GPC6: variants seen among roughly 807,000 people sequenced by gnomAD.
GPC6 encodes glypican-6.
In GPC6, 14 loss-of-function variants were observed where a neutral mutation model predicts 55.2. That is an observed-to-expected ratio of 0.25 (90% confidence interval 0.17 to 0.40). GPC6 has a LOEUF of 0.40. Ranked by LOEUF, GPC6 falls within the 10% of genes least tolerant of loss-of-function variation. The pLI is 1.00. For missense variants in GPC6, 641 were observed against 708.5 expected (o/e 0.90, Z 1.08); for synonymous variants, 278 against 259.6 (o/e 1.07, Z -0.68).
At position 93,227,628 on chromosome 13, in the gene GPC6, C is replaced by A. The variant is rs1292538200; in HGVS notation, c.160+12C>A. ...CCAGGAGATCGCAGGTAAGCGCGGG[C>A]GCGCTGCAGGGGCAGGCTGCAGCCC... On this transcript the variant is annotated intron_variant, in intron 1 of 8. Coordinates refer to ENST00000377047, the MANE Select transcript of GPC6 (RefSeq NM_005708.5). This position sits in a 1 kb window ranked among gnomAD's most constrained non-coding sequence, Gnocchi z 4.3. 3 of 1,591,666 alleles carry A rather than the reference C, an allele frequency of 1.9e-6. No individual in the cohort carries two copies. The highest frequency in any genetic ancestry group is 2.6e-6 in the Non-Finnish European group (3 of 1,172,706).
intron 4 of GPC6, among the ~76,000 whole-genome samples, chr13:94,255,488 G>A (rs1376409513): frequency 6.6e-6 from 1 of 152,210 alleles, no homozygotes; most frequent in Non-Finnish European, 1.5e-5. Flanking sequence ...GGAAGGACTT[G>A]AGGGATGGTT....
intron 4 of GPC6, among the ~76,000 whole-genome samples, chr13:94,112,505 C>G (rs1024492736): frequency 1.3e-5 from 2 of 152,150 alleles, no homozygotes; most frequent in Admixed American, 1.3e-4. Context: ...CTCCTTAAAA[C>G]TTATGTTACA....
chr13:93,271,972 C>T (rs946919968), intron 1 of GPC6, among the ~76,000 whole-genome samples: 24 of 152,090 alleles, frequency 1.6e-4, no homozygotes, highest in African/African-American at 5.8e-4. Context: ...AACTATATGA[C>T]ATTACATCTT....
At chr13:94,164,820 A>C (rs955206154) in intron 4 of GPC6, among the ~76,000 whole-genome samples, 5 of 152,220 alleles carry the variant, frequency 3.3e-5, no homozygotes, top group African/African-American at 9.6e-5. Context: ...AAAATAAACT[A>C]ACTAGGGATT....
At chr13:93,571,707 T>C (rs1306584475) in intron 2 of GPC6, among the ~76,000 whole-genome samples, 1 of 152,180 alleles carries the variant, frequency 6.6e-6, no homozygotes, top group Non-Finnish European at 1.5e-5. Context: ...GCCCTTCACA[T>C]GGAATATAAT....
intron 2 of GPC6, among the ~76,000 whole-genome samples, chr13:93,603,533 T>C (rs1231511825): frequency 6.6e-6 from 1 of 152,198 alleles, no homozygotes; most frequent in Non-Finnish European, 1.5e-5. Context: ...ACTTTGCAGG[T>C]GAGGAAACTG....
At chr13:94,242,984 G>A (rs899092930) in intron 4 of GPC6, among the ~76,000 whole-genome samples, 1 of 151,636 alleles carries the variant, frequency 6.6e-6, no homozygotes, top group Non-Finnish European at 1.5e-5. Context: ...GAATGCCCAG[G>A]CACATTTCAA....
At position 93,496,786 on chromosome 13, in the gene GPC6, T is replaced by G. The variant is rs1022206667; in HGVS notation, c.161-48477T>G. ...GTAATTTAGAACCTATTCTATACAG[T>G]TATCATGATGATTTAATAAGTTAAT... On this transcript the variant is annotated intron_variant, in intron 1 of 8. Coordinates refer to ENST00000377047, the MANE Select transcript of GPC6 (RefSeq NM_005708.5). Among the ~76,000 whole-genome samples, 3 of 152,222 alleles carry G rather than the reference T, an allele frequency of 2.0e-5. No individual in the cohort carries two copies. In the South Asian group the frequency reaches 6.2e-4, roughly 31 times the overall value.
At chr13:93,978,579 A>T (rs1422993215) in intron 3 of GPC6, among the ~76,000 whole-genome samples, 3 of 152,136 alleles carry the variant, frequency 2.0e-5, no homozygotes. Flanking sequence ...GCATACACAC[A>T]TATACACATA....
intron 2 of GPC6, among the ~76,000 whole-genome samples, chr13:93,760,890 A>C (rs1286191977): frequency 1.3e-5 from 2 of 152,220 alleles, no homozygotes; most frequent in African/African-American, 4.8e-5. Context: ...AATGAAAAGC[A>C]CTAAAATATG....
chr13:93,464,473 T>C (rs1242880343), intron 1 of GPC6, among the ~76,000 whole-genome samples: 2 of 152,218 alleles, frequency 1.3e-5, no homozygotes, highest in African/African-American at 4.8e-5. Flanking sequence ...CACAGCATCT[T>C]CAGCAGGAGT....
chr13:93,347,490 C>T (rs1018175096), intron 1 of GPC6, among the ~76,000 whole-genome samples: 1 of 152,120 alleles, frequency 6.6e-6, no homozygotes, highest in Non-Finnish European at 1.5e-5. Flanking sequence ...AAGAAATGGT[C>T]TCTCAGTTGT....
chr13:93,647,009 A>G (rs561684707), intron 2 of GPC6, among the ~76,000 whole-genome samples: 5 of 152,232 alleles, frequency 3.3e-5, no homozygotes, highest in Admixed American at 1.3e-4. Context: ...AAAGTATTCA[A>G]TTGCTCTAGA....
intron 6 of GPC6, among the ~76,000 whole-genome samples, chr13:94,361,674 A>G (rs1879067944): frequency 6.6e-6 from 1 of 152,258 alleles, no homozygotes; most frequent in South Asian, 2.1e-4. Flanking sequence ...GGTGACAATA[A>G]TCGTTCCAAG....
chr13:93,717,918 T>C (rs1259870025), intron 2 of GPC6, among the ~76,000 whole-genome samples: 4 of 151,954 alleles, frequency 2.6e-5, no homozygotes, highest in Non-Finnish European at 5.9e-5. Context: ...GCTTCATTCA[T>C]GTCTCTGCAT....
chr13:93,544,031 AT>A (rs1305436016), intron 1 of GPC6, among the ~76,000 whole-genome samples: 4 of 149,224 alleles, frequency 2.7e-5, no homozygotes, highest in Non-Finnish European at 5.9e-5. Flanking sequence ...CATCACAGTG[AT>A]TTTGATTTGC....
intron 3 of GPC6, among the ~76,000 whole-genome samples, chr13:93,931,022 G>A (rs936408966): frequency 6.6e-6 from 1 of 151,950 alleles, no homozygotes; most frequent in Non-Finnish European, 1.5e-5. Flanking sequence ...TCTCGCAAGC[G>A]CTCACTCACT....
upstream of GPC6, among the ~76,000 whole-genome samples, chr13:93,225,425 C>T (rs1227272024): frequency 1.3e-5 from 2 of 151,870 alleles, no homozygotes; most frequent in African/African-American, 4.8e-5. Flanking sequence ...AAAAACTGTG[C>T]TAAAATTTTA....
intron 1 of GPC6, among the ~76,000 whole-genome samples, chr13:93,498,718 G>A (rs1594215119): frequency 6.6e-6 from 1 of 152,050 alleles, no homozygotes; most frequent in Non-Finnish European, 1.5e-5. Context: ...ACCTCTTTTT[G>A]TTCCCAGTTT....
Sources: allele counts gnomAD v4.1 joint callset (sites outside exome capture counted in the v4.1 genomes callset), GRCh38; gene constraint gnomAD v4.1.1; non-coding constraint Gnocchi (gnomAD v3.1); transcripts MANE v1.5; gene names NCBI Gene and HGNC (gene_info 2026-07-23, HGNC 2026-07-21).